The following INPP4B variants were observed in gnomAD, a reference collection of about 807,000 sequenced individuals.
The protein encoded by INPP4B is inositol polyphosphate 4-phosphatase type II.
A neutral mutation model predicts 122.5 loss-of-function variants in INPP4B; 55 were observed. The ratio of observed to expected loss-of-function variants is 0.45; its 90% CI spans 0.36 to 0.56. The LOEUF (loss-of-function observed/expected upper bound fraction) is 0.56, where lower values mean the gene tolerates loss of function less well. Among genes scored for constraint, INPP4B ranks in the 20% least tolerant of loss-of-function variants. The pLI is 0.00. For missense variants in INPP4B, 1,000 were observed against 1,097.7 expected (o/e 0.91, Z 1.26); for synonymous variants, 403 against 388.7 (o/e 1.04, Z -0.43).
chr4:142,472,230 C>T (rs962141507), intron 2 of INPP4B, among the ~76,000 whole-genome samples: 3 of 149,886 alleles, frequency 2.0e-5, no homozygotes, highest in Non-Finnish European at 4.4e-5. Flanking sequence ...AAAATCTGAA[C>T]AATTAATTTA....
intron 23 of INPP4B, among the ~76,000 whole-genome samples, chr4:142,092,645 C>T (rs371730024): frequency 1.1e-4 from 17 of 152,154 alleles, no homozygotes; most frequent in African/African-American, 3.9e-4. Flanking sequence ...TTGAAACCTA[C>T]CTTACTGCTA....
At chr4:142,581,803 T>G (rs139848400) in intron 2 of INPP4B, among the ~76,000 whole-genome samples, 293 of 152,032 alleles carry the variant, frequency 1.9e-3, no homozygotes, top group African/African-American at 6.9e-3. Flanking sequence ...CCCAGAGACC[T>G]GTAATGATAA....
intron 7 of INPP4B, among the ~76,000 whole-genome samples, chr4:142,342,277 A>G (rs962430505): frequency 6.6e-6 from 1 of 152,178 alleles, no homozygotes; most frequent in Non-Finnish European, 1.5e-5. Flanking sequence ...AGTAAATACA[A>G]ATAATTGCCT....
At chr4:142,693,892 T>G (rs1760605725) in intron 2 of INPP4B, among the ~76,000 whole-genome samples, 1 of 152,010 alleles carries the variant, frequency 6.6e-6, no homozygotes. Context: ...AGAAAAAGCC[T>G]TGAAAACTGG....
rs70949188 is a variant in INPP4B at position 142,759,825 on chromosome 4, T to TAAAAAAAAAAAAA, written c.-253-33937_-253-33925dup. Reference sequence around the variant, plus strand: ...CCCAGAGCTTATATAGAGCTTTTTCTAAAAAAAAAAAAAAAAAAAAAAAAA... The same window carrying TAAAAAAAAAAAAA: ...CCCAGAGCTTATATAGAGCTTTTTCTAAAAAAAAAAAAAAAAAAAAAAAAAAAAAAAAAAAAAA... On this transcript the variant is annotated intron_variant, in intron 1 of 25. Coordinates refer to ENST00000262992, the MANE Select transcript of INPP4B (RefSeq NM_001101669.3). 3.9e-4 allele frequency among the ~76,000 whole-genome samples: 27 copies of TAAAAAAAAAAAAA among 70,046 alleles called. 1 individual carries two copies. Among genetic ancestry groups the TAAAAAAAAAAAAA allele is most frequent in the African/African-American group, 9.5e-4 (17 of 17,894 alleles). 46.0% of individuals were successfully genotyped at this position (70,046 alleles called of 152,430 possible). A position where few individuals can be genotyped will look rare whatever the true frequency, so the allele number is the denominator to read the frequency against.
intron 23 of INPP4B, among the ~76,000 whole-genome samples, chr4:142,091,134 A>G (rs1451752994): frequency 2.0e-5 from 3 of 152,180 alleles, no homozygotes; most frequent in Admixed American, 1.3e-4. Context: ...CTTTTACCCT[A>G]TCTGTAAATA....
At chr4:142,387,214 G>T (rs1469435116) in intron 7 of INPP4B, among the ~76,000 whole-genome samples, 1 of 152,074 alleles carries the variant, frequency 6.6e-6, no homozygotes, top group Non-Finnish European at 1.5e-5. Flanking sequence ...TTAAAAATTC[G>T]TGGGGATTTT....
intron 2 of INPP4B, among the ~76,000 whole-genome samples, chr4:142,677,863 G>T (rs1415350969): frequency 6.6e-6 from 1 of 152,006 alleles, no homozygotes; most frequent in African/African-American, 2.4e-5. Flanking sequence ...CTAGGAGAGG[G>T]ATAGCATTAG....
intron 2 of INPP4B, among the ~76,000 whole-genome samples, chr4:142,558,151 C>A (rs551011435): frequency 1.3e-5 from 2 of 152,250 alleles, no homozygotes; most frequent in African/African-American, 4.8e-5. Context: ...TCTGGAAGAG[C>A]CCACAAGTTC....
chr4:142,607,133 A>G (rs1741442091), intron 2 of INPP4B, among the ~76,000 whole-genome samples: 1 of 151,978 alleles, frequency 6.6e-6, no homozygotes. Context: ...CATTTTTTGC[A>G]TAAATATATC....
rs576351915 is a variant in INPP4B, at chr4:142,555,728, G to A, written c.-190-93002C>T. Reference sequence around the variant, plus strand: ...CTAAAAATACAAAAAAAAATTAGCCGGGCGTGGTAGTGGGCGCCTGTAGTC... The same window carrying A: ...CTAAAAATACAAAAAAAAATTAGCCAGGCGTGGTAGTGGGCGCCTGTAGTC... On this transcript the variant is annotated intron_variant, in intron 2 of 25. Coordinates refer to ENST00000262992, the MANE Select transcript of INPP4B (RefSeq NM_001101669.3). 1.1e-4 allele frequency among the ~76,000 whole-genome samples: 16 copies of A among 151,954 alleles called. No homozygotes were observed. The East Asian group carries it at 2.3e-3, about 22-fold the overall frequency.
At chr4:142,349,368 T>C (rs1049052859) in intron 7 of INPP4B, among the ~76,000 whole-genome samples, 1 of 152,064 alleles carries the variant, frequency 6.6e-6, no homozygotes, top group African/African-American at 2.4e-5. Context: ...CTGTATTGCA[T>C]GTAGTACTCT....
intron 2 of INPP4B, among the ~76,000 whole-genome samples, chr4:142,689,391 G>A (rs186133761): frequency 3.5e-4 from 54 of 152,248 alleles, no homozygotes; most frequent in Non-Finnish European, 5.9e-4. Flanking sequence ...AGGACCATAC[G>A]AAGGTCTCAG....
chr4:142,287,768 A>G (rs1754459299), intron 9 of INPP4B: 1 of 152,194 alleles, frequency 6.6e-6, no homozygotes, highest in African/African-American at 2.4e-5. Flanking sequence ...CTATTCCACA[A>G]ACTCTATTAG....
At chr4:142,609,161 G>A (rs185444972) in intron 2 of INPP4B, among the ~76,000 whole-genome samples, 55 of 151,308 alleles carry the variant, frequency 3.6e-4, no homozygotes, top group African/African-American at 1.3e-3. Flanking sequence ...TTACAGCTCC[G>A]AATAATTTTC....
intron 7 of INPP4B, among the ~76,000 whole-genome samples, chr4:142,345,606 A>G (rs1429092639): frequency 6.6e-6 from 1 of 152,066 alleles, no homozygotes; most frequent in African/African-American, 2.4e-5. Flanking sequence ...CATGGATTAT[A>G]GCACATTAAT....
intron 21 of INPP4B, among the ~76,000 whole-genome samples, chr4:142,114,066 T>G (rs1019912212): frequency 6.6e-6 from 1 of 152,102 alleles, no homozygotes; most frequent in African/African-American, 2.4e-5. Flanking sequence ...TCATACAGTA[T>G]GTAATCTTTT....
intron 1 of INPP4B, among the ~76,000 whole-genome samples, chr4:142,768,573 G>A (rs1772523145): frequency 6.6e-6 from 1 of 152,188 alleles, no homozygotes; most frequent in Admixed American, 6.6e-5. Context: ...GGCATTGACT[G>A]TATTATCTAC....
intron 8 of INPP4B, among the ~76,000 whole-genome samples, chr4:142,309,801 C>T (rs1764785572): frequency 6.6e-6 from 1 of 152,214 alleles, no homozygotes; most frequent in South Asian, 2.1e-4. Flanking sequence ...TTGTTTGCTG[C>T]ATGATTTCCA....
Sources: allele counts gnomAD v4.1 joint callset (sites outside exome capture counted in the v4.1 genomes callset), GRCh38; gene constraint gnomAD v4.1.1; transcripts MANE v1.5; gene names NCBI Gene and HGNC (gene_info 2026-07-23, HGNC 2026-07-21).